The following MYH11 variants were observed in gnomAD, a reference collection of about 807,000 sequenced individuals.
MYH11 encodes myosin heavy chain 11.
Under a neutral mutation model 246.6 loss-of-function variants are expected in MYH11, and 80 were observed. The observed-to-expected ratio is 0.32, with a 90% CI of 0.27 to 0.39. MYH11 has a LOEUF of 0.39. MYH11 is among the 10% of genes least tolerant of loss of function. MYH11 has a pLI of 1.00. For missense variants in MYH11, 2,158 were observed against 2,546.8 expected (o/e 0.85, Z 3.29); for synonymous variants, 1,071 against 1,015.5 (o/e 1.05, Z -1.04).
chr16:15,830,572 G>C (rs901599017), intron 2 of MYH11, among the ~76,000 whole-genome samples: 2 of 152,032 alleles, frequency 1.3e-5, no homozygotes, highest in African/African-American at 4.8e-5. Flanking sequence ...CTATGTGGCT[G>C]CATGTGTATA....
At chr16:15,731,489 CT>C (rs58031056) in intron 27 of MYH11, among the ~76,000 whole-genome samples, 117 of 145,938 alleles carry the variant, frequency 8.0e-4, no homozygotes, top group East Asian at 1.4e-3. Flanking sequence ...TCTATTCATT[CT>C]TTTTTTTTTT....
intron 38 of MYH11, among the ~76,000 whole-genome samples, chr16:15,715,828 T>C (rs2040099064): frequency 6.6e-6 from 1 of 152,046 alleles, no homozygotes; most frequent in East Asian, 1.9e-4. Context: ...AAGTTTTTCA[T>C]AGAAACGGAG....
chr16:15,816,645 G>A (rs746147450), intron 3 of MYH11, among the ~76,000 whole-genome samples: 6 of 152,102 alleles, frequency 3.9e-5, no homozygotes, highest in Non-Finnish European at 8.8e-5. Flanking sequence ...GTGTTGGAAC[G>A]AGGAAATAGG....
chr16:15,750,383 T>C lies in MYH11; in HGVS notation c.1865-52A>G, dbSNP rs546454741. 1.6e-5 allele frequency: 25 copies of C among 1,529,880 alleles called. No individual in the cohort carries two copies. Among genetic ancestry groups the C allele is most frequent in the Admixed American group, 1.4e-4 (7 of 51,140 alleles). The allele number at this position is 1,529,880 out of a possible 1,614,324, so 94.8% of individuals were successfully genotyped here. ...AGCCTCTGGCCCACCCACCCCTAAATAGGCCAGAGGCTCAGCCCCAGCCCC... is the reference window on the plus strand; with the variant it reads ...AGCCTCTGGCCCACCCACCCCTAAACAGGCCAGAGGCTCAGCCCCAGCCCC... On this transcript the variant is annotated intron_variant, in intron 15 of 40. Transcript: ENST00000300036. The surrounding 1 kb of genome is among the most constrained non-coding windows in gnomAD (Gnocchi z 4.3).
At chr16:15,823,557 A>T (rs2043474565) in intron 2 of MYH11, 146 bp from the exon 3 acceptor site, 2 of 1,036,444 alleles carry the variant, frequency 1.9e-6, no homozygotes, top group African/African-American at 1.6e-5. Flanking sequence ...TATTCCAGGT[A>T]CGTGGGAAGA....
chr16:15,830,429 G>A (rs2043702668), intron 2 of MYH11, among the ~76,000 whole-genome samples: 1 of 152,186 alleles, frequency 6.6e-6, no homozygotes, highest in African/African-American at 2.4e-5. Flanking sequence ...CATCCCTATA[G>A]CAGAAGACTG....
chr16:15,795,793 A>T (rs2042730327), intron 4 of MYH11, among the ~76,000 whole-genome samples: 1 of 152,174 alleles, frequency 6.6e-6, no homozygotes, highest in Non-Finnish European at 1.5e-5. Context: ...TCCTTCCAAC[A>T]ACCCAATGGG....
chr16:15,726,728 A>G (rs901575156), intron 28 of MYH11, 120 bp downstream of exon 28: 60 of 1,178,338 alleles, frequency 5.1e-5, no homozygotes, highest in East Asian at 5.0e-5. Context: ...CAGGAACGCA[A>G]CTAGAGGAAA....
rs1355020811 is a variant in MYH11 at position 15,741,961 on chromosome 16, C to G, written c.2521-70G>C. 3.1e-6 allele frequency: 5 copies of G among 1,594,326 alleles called. No individual in the cohort carries two copies. In the East Asian group the frequency reaches 9.0e-5, roughly 29 times the overall value. ...GATATGTTGTCATAATAAATTCGAT[C>G]AGTGGTTCCGAGCCAGGGACAATGT... On this transcript the variant is annotated intron_variant, in intron 20 of 40. Coordinates refer to ENST00000300036, the MANE Select transcript of MYH11 (RefSeq NM_002474.3).
chr16:15,704,262 A>G (rs975391329), intron 40 of MYH11, 139 bp from the exon 41 acceptor site: 3 of 906,146 alleles, frequency 3.3e-6, no homozygotes, highest in Non-Finnish European at 5.1e-6. Context: ...CACACACGGC[A>G]CAAATAAGAT....
In MYH11 at chr16:15,724,764, G is replaced by A. The variant is rs768465413; in HGVS notation, c.3999C>T (p.Asn1333=). Residue 1333 remains asparagine (N), a synonymous_variant, in exon 30 of 41, where the codon AAC becomes AAT. Transcript: ENST00000300036. ...LLQEETRQKL[N]VSTKLRQLEE... ...CCAGCTGGCGCAGCTTCGTAGACAC[G>A]TTGAGCTTCTGCCGGGTTTCTTCTT... is the stretch of plus-strand genomic sequence containing the variant. 9 of 1,613,986 alleles carry A rather than the reference G, an allele frequency of 5.6e-6. No individual in the cohort carries two copies. Among genetic ancestry groups the A allele is most frequent in the Admixed American group, 5.0e-5 (3 of 60,000 alleles).
At chr16:15,776,220 TC>T in intron 7 of MYH11, 44 bp from the exon 8 acceptor site, 1 of 1,321,840 alleles carries the variant, frequency 7.6e-7, no homozygotes, top group Non-Finnish European at 1.1e-6. Context: ...CTGCGGGTGT[TC>T]CTCTGGTCTT....
intron 40 of MYH11, chr16:15,714,055 G>A (rs1449761771): frequency 6.6e-6 from 1 of 152,582 alleles, no homozygotes; most frequent in East Asian, 1.9e-4. Flanking sequence ...CACCCAGAGG[G>A]TCAAGGAACC....
At chr16:15,756,262 C>T in intron 14 of MYH11, 79 bp downstream of exon 14, 1 of 1,517,826 alleles carries the variant, frequency 6.6e-7, no homozygotes, top group South Asian at 1.2e-5. Flanking sequence ...CAAGGTTCTG[C>T]CACTCTCAGA....
chr16:15,795,792 C>A (rs773738682), intron 4 of MYH11, among the ~76,000 whole-genome samples: 1 of 152,206 alleles, frequency 6.6e-6, no homozygotes, highest in Non-Finnish European at 1.5e-5. Flanking sequence ...ATCCTTCCAA[C>A]AACCCAATGG....
intron 19 of MYH11, 39 bp downstream of exon 19, chr16:15,747,531 T>G (rs1474778509): frequency 1.2e-6 from 2 of 1,613,714 alleles, no homozygotes; most frequent in South Asian, 2.2e-5. Flanking sequence ...TGTTTGTGAT[T>G]CGCGTTTGAG....
Position 15,742,780 on chromosome 16 carries a change from G to C in MYH11, c.2521-889C>G, listed in dbSNP as rs113400945. 1.9e-3 allele frequency among the ~76,000 whole-genome samples: 290 copies of C among 151,890 alleles called. 5 individuals are homozygous for C. Among genetic ancestry groups the C allele is most frequent in the Middle Eastern group, 0.017 (5 of 294 alleles). The stretch of plus-strand genomic sequence containing the variant: ...TATAAGATATGTATTACCCCATGCT[G>C]TTACATCATTCTTACAACTTTACAT... On this transcript the variant is annotated intron_variant, in intron 20 of 40. Coordinates refer to ENST00000300036, the MANE Select transcript of MYH11 (RefSeq NM_002474.3).
intron 8 of MYH11, among the ~76,000 whole-genome samples, chr16:15,772,798 G>T (rs1226844429): frequency 6.6e-6 from 1 of 152,144 alleles, no homozygotes; most frequent in Non-Finnish European, 1.5e-5. Flanking sequence ...ATCACTGTCT[G>T]AGCTCCGCTT....
intron 40 of MYH11, 43 bp from the exon 41 acceptor site, chr16:15,704,166 C>T (rs1290777890): frequency 6.2e-7 from 1 of 1,611,064 alleles, no homozygotes; most frequent in Non-Finnish European, 8.5e-7. Context: ...AAGAAATCTT[C>T]ATGGTTGGGA....
Sources: allele counts gnomAD v4.1 joint callset (sites outside exome capture counted in the v4.1 genomes callset), GRCh38; gene constraint gnomAD v4.1.1; non-coding constraint Gnocchi (gnomAD v3.1); transcripts MANE v1.5; gene names NCBI Gene and HGNC (gene_info 2026-07-23, HGNC 2026-07-21).